Variants in TBPL1 observed in about 807,000 individuals in gnomAD.
The protein encoded by TBPL1 is TATA-box binding protein like 1, also known as TATA box-binding protein-like 1.
TBPL1 carries 4 observed loss-of-function variants against 22.1 expected under a neutral mutation model. The ratio of observed to expected loss-of-function variants is 0.18; its 90% confidence interval spans 0.09 to 0.41. The LOEUF (loss-of-function observed/expected upper bound fraction) is 0.41, where lower values mean the gene tolerates loss of function less well. TBPL1 is among the 10% of genes least tolerant of loss of function. The pLI, the probability that TBPL1 is intolerant of heterozygous loss-of-function variation, is 1.00. For missense variants in TBPL1, 115 were observed against 222.3 expected (o/e 0.52, Z 3.07); for synonymous variants, 64 against 71.0 (o/e 0.90, Z 0.50).
chr6:133,986,807 G>T (rs1776533824), intron 6 of TBPL1, among the ~76,000 whole-genome samples, 154 bp from the exon 7 acceptor site: 1 of 151,952 alleles, frequency 6.6e-6, no homozygotes, highest in Non-Finnish European at 1.5e-5. Flanking sequence ...ACTTATTATG[G>T]CTATGTGTAT....
intron 1 of TBPL1, among the ~76,000 whole-genome samples, chr6:133,971,990 C>T (rs1030308615): frequency 3.9e-5 from 6 of 152,126 alleles, no homozygotes; most frequent in Admixed American, 6.6e-5. Context: ...AGTAATACAG[C>T]ATTTTTTGGT....
rs138720246 is a variant in TBPL1, at chr6:133,975,909, G to A, written c.-44-4173G>A. 3.2e-3 allele frequency among the ~76,000 whole-genome samples: 494 copies of A among 152,186 alleles called. 2 individuals carry two copies. The highest frequency in any genetic ancestry group is 0.014 in the Middle Eastern group (4 of 294). ...TTCATTGTGTTCTTTTTGCCTTTTTGTATATCTTAAATATATGGTAGTGCC... is the reference window on the plus strand; with the variant it reads ...TTCATTGTGTTCTTTTTGCCTTTTTATATATCTTAAATATATGGTAGTGCC... On this transcript the variant is annotated intron_variant, in intron 1 of 6. Transcript: ENST00000237264.
In TBPL1 at chr6:133,988,415, G is replaced by A. The variant is rs1776568694; in HGVS notation, c.*1375G>A. 6.6e-6 allele frequency: 1 copy of A among 152,082 alleles called. No individual in the cohort carries two copies. The highest frequency in any genetic ancestry group is 2.1e-4 in the South Asian group (1 of 4,824). The allele number at this position is 152,082 out of a possible 1,614,324, so 9.4% of individuals were successfully genotyped here. On this transcript the variant is annotated 3_prime_UTR_variant, in exon 7 of 7. Transcript: ENST00000237264. The stretch of plus-strand genomic sequence containing the variant: ...AGTGGAGAGTCCAATTAGCTTCTCA[G>A]GAGAAACTTAATGGGGACAATATTC...
chr6:133,975,610 G>A lies in TBPL1; in HGVS notation c.-44-4472G>A, dbSNP rs529670794. Among the ~76,000 whole-genome samples, 4 of 152,244 alleles carry A rather than the reference G, an allele frequency of 2.6e-5. No homozygotes were observed. In the South Asian group the frequency reaches 6.2e-4, roughly 24 times the overall value. ...ATAAGGACAATACAAGAAAGGAAGA[G>A]TATAGGCTAATTCTACCCAATAACT... On this transcript the variant is annotated intron_variant, in intron 1 of 6. Transcript: ENST00000237264.
intron 1 of TBPL1, among the ~76,000 whole-genome samples, chr6:133,958,468 C>T (rs1279185331): frequency 6.6e-6 from 1 of 151,998 alleles, no homozygotes; most frequent in African/African-American, 2.4e-5. Context: ...AGAATGACTT[C>T]GTAGGATAGC....
rs1412115641 is a variant in TBPL1, at chr6:133,972,428, GATAAATT to G, written c.-44-7653_-44-7647del. Among the ~76,000 whole-genome samples the G allele has an allele frequency of 3.9e-5, 6 of 152,190 alleles. No individual in the cohort carries two copies. The East Asian group carries it at 1.2e-3, about 29-fold the overall frequency. On this transcript the variant is annotated intron_variant, in intron 1 of 6. Coordinates refer to ENST00000237264, the MANE Select transcript of TBPL1 (RefSeq NM_004865.4). The stretch of plus-strand genomic sequence containing the variant: ...AAATAAGGGCCTTACATTTATCAGT[GATAAATT>G]TTATTTTGTTGGTAGTGCCTCTTTG...
chr6:133,962,600 T>A (rs1021383104), intron 1 of TBPL1, among the ~76,000 whole-genome samples: 1 of 152,230 alleles, frequency 6.6e-6, no homozygotes, highest in East Asian at 1.9e-4. Flanking sequence ...TTAATAGATA[T>A]GCCTAATAGA....
intron 6 of TBPL1, 188 bp downstream of exon 6, chr6:133,984,859 T>TA (rs1318221200): frequency 1.1e-5 from 6 of 542,918 alleles, no homozygotes; most frequent in East Asian, 2.9e-5. Context: ...ATGTTACACT[T>TA]ACTATTTTGT....
chr6:133,984,238 A>G, intron 4 of TBPL1, 138 bp from the exon 5 acceptor site: 1 of 605,020 alleles, frequency 1.7e-6, no homozygotes, highest in East Asian at 2.9e-5. Flanking sequence ...ATGCTACACA[A>G]CTTACAGTAC....
intron 1 of TBPL1, among the ~76,000 whole-genome samples, chr6:133,962,086 C>G (rs989598125): frequency 6.6e-6 from 1 of 151,976 alleles, no homozygotes; most frequent in Non-Finnish European, 1.5e-5. Flanking sequence ...GCTATAAAAC[C>G]GCGAAACAGT....
rs373657027 is a variant in TBPL1, at chr6:133,976,954, C to G, written c.-44-3128C>G. Among the ~76,000 whole-genome samples, 21 of 140,450 alleles carry G rather than the reference C, an allele frequency of 1.5e-4. 1 individual carries two copies. Among genetic ancestry groups the G allele is most frequent in the Admixed American group, 7.5e-4 (10 of 13,270 alleles). The allele number at this position is 140,450 out of a possible 152,430, so 92.1% of individuals were successfully genotyped here. A position where few individuals can be genotyped will look rare whatever the true frequency, so the allele number is the denominator to read the frequency against. ...CAGCCCTCCAGCCTGGGCAACAAAG[C>G]GAGACTTGGTCTCAAAAAAAAAAAA... On this transcript the variant is annotated intron_variant, in intron 1 of 6. Coordinates refer to ENST00000237264, the MANE Select transcript of TBPL1 (RefSeq NM_004865.4).
Position 133,988,807 on chromosome 6 carries a change from G to A in TBPL1, c.*1767G>A, listed in dbSNP as rs998877997. The A allele has an allele frequency of 2.0e-5, 3 of 151,910 alleles. No individual in the cohort carries two copies. The highest frequency in any genetic ancestry group is 4.4e-5 in the Non-Finnish European group (3 of 67,998). 9.4% of individuals were successfully genotyped at this position (151,910 alleles called of 1,614,324 possible). On this transcript the variant is annotated 3_prime_UTR_variant, in exon 7 of 7. Transcript: ENST00000237264. ...AAATTCATAGAGAATAAAATTACAT[G>A]AAAGAGTTACAAGCTCACTGTTTTA...
intron 1 of TBPL1, among the ~76,000 whole-genome samples, chr6:133,953,954 T>A (rs1370975051): frequency 6.6e-6 from 1 of 152,100 alleles, no homozygotes; most frequent in Non-Finnish European, 1.5e-5. Flanking sequence ...ATTATTATTT[T>A]TGACCAAAAT....
intron 1 of TBPL1, among the ~76,000 whole-genome samples, chr6:133,964,499 G>A (rs1163079812): frequency 6.8e-6 from 1 of 147,944 alleles, no homozygotes; most frequent in East Asian, 2.0e-4. Flanking sequence ...CTCCCAGGCT[G>A]GAGTGCAGTG....
At chr6:133,963,996 G>A (rs1444005067) in intron 1 of TBPL1, among the ~76,000 whole-genome samples, 5 of 152,066 alleles carry the variant, frequency 3.3e-5, no homozygotes, top group Non-Finnish European at 7.4e-5. Flanking sequence ...AGCCGAGATC[G>A]TGACACTGCA....
In TBPL1 at chr6:133,989,952, T is replaced by A. The variant is rs1776598196; in HGVS notation, c.*2912T>A. On this transcript the variant is annotated 3_prime_UTR_variant, in exon 7 of 7. Transcript: ENST00000237264. ...TCTTCCATCACTTAAATATTAGTAA[T>A]TTAATATGTTATTTGGTTCAAGATT... 6.6e-6 allele frequency: 1 copy of A among 152,272 alleles called. No individual in the cohort carries two copies. The allele number at this position is 152,272 out of a possible 1,614,324, so 9.4% of individuals were successfully genotyped here.
chr6:133,966,160 T>G (rs1776115056), intron 1 of TBPL1, among the ~76,000 whole-genome samples: 1 of 152,068 alleles, frequency 6.6e-6, no homozygotes, highest in Non-Finnish European at 1.5e-5. Flanking sequence ...TTTAATAACC[T>G]CAAGCTTACA....
intron 1 of TBPL1, among the ~76,000 whole-genome samples, chr6:133,960,606 T>C (rs1412149657): frequency 1.3e-5 from 2 of 152,200 alleles, no homozygotes; most frequent in Non-Finnish European, 2.9e-5. Context: ...CTATTAAAAT[T>C]AGAAGAGTTT....
chr6:133,958,469 G>A (rs575443565), intron 1 of TBPL1, among the ~76,000 whole-genome samples: 30 of 152,120 alleles, frequency 2.0e-4, no homozygotes, highest in Non-Finnish European at 2.6e-4. Context: ...GAATGACTTC[G>A]TAGGATAGCA....
Sources: gnomAD v4.1 joint callset for allele counts (sites outside exome capture counted in the v4.1 genomes callset) on GRCh38, gnomAD v4.1.1 for gene constraint, MANE v1.5 for transcripts, NCBI Gene and HGNC (gene_info 2026-07-23, HGNC 2026-07-21) for gene names.